DOCK3: variants seen among roughly 807,000 people sequenced by gnomAD.
DOCK3 encodes dedicator of cytokinesis protein 3.
Under a neutral mutation model 265.6 loss-of-function variants are expected in DOCK3, and 60 were observed. The observed-to-expected ratio is 0.23, with a 90% CI of 0.18 to 0.28. DOCK3 has a LOEUF of 0.28. DOCK3 is among the 10% of genes least tolerant of loss of function. The probability of loss-of-function intolerance (pLI) is 1.00; values close to 1 mark genes in which losing one functional copy is unlikely to be tolerated. For synonymous variants in DOCK3, 881 were observed against 938.0 expected (o/e 0.94, Z 1.11); for missense variants, 1,981 against 2,594.3 (o/e 0.76, Z 5.14).
chr3:51,116,056 A>G (rs974964962), intron 9 of DOCK3, among the ~76,000 whole-genome samples: 6 of 152,142 alleles, frequency 3.9e-5, no homozygotes, highest in African/African-American at 2.4e-5. Flanking sequence ...ACCTTGTAGT[A>G]TAGTTTAAAG....
chr3:50,847,610 G>A (rs2046144107), intron 3 of DOCK3, among the ~76,000 whole-genome samples: 1 of 152,082 alleles, frequency 6.6e-6, no homozygotes, highest in Non-Finnish European at 1.5e-5. Flanking sequence ...ATGGCCAAGT[G>A]CAGTGGCTTA....
At chr3:51,187,432 G>T (rs2087673789) in intron 12 of DOCK3, among the ~76,000 whole-genome samples, 1 of 152,152 alleles carries the variant, frequency 6.6e-6, no homozygotes, top group Non-Finnish European at 1.5e-5. Context: ...GACTTGCTTT[G>T]GCAGAGATGA....
intron 1 of DOCK3, among the ~76,000 whole-genome samples, chr3:50,700,517 G>A (rs911795369): frequency 6.6e-6 from 1 of 151,982 alleles, no homozygotes; most frequent in Non-Finnish European, 1.5e-5. Flanking sequence ...CCCACATATG[G>A]GTGAGAACAT....
chr3:51,081,788 C>G (rs959784770), intron 7 of DOCK3, among the ~76,000 whole-genome samples: 2 of 150,080 alleles, frequency 1.3e-5, no homozygotes, highest in African/African-American at 4.9e-5. Flanking sequence ...CCCAGCTACT[C>G]GGGAGGCTGA....
At chr3:50,684,328 G>T (rs1256452762) in intron 1 of DOCK3, among the ~76,000 whole-genome samples, 2 of 152,204 alleles carry the variant, frequency 1.3e-5, no homozygotes, top group Admixed American at 1.3e-4. Flanking sequence ...AGTTCATGGT[G>T]AGTGACTGGT....
chr3:50,875,657 G>GA (rs989650616), intron 3 of DOCK3, among the ~76,000 whole-genome samples: 7 of 152,094 alleles, frequency 4.6e-5, no homozygotes, highest in African/African-American at 1.7e-4. Context: ...AATCCCACTT[G>GA]ATCACGATGA....
intron 1 of DOCK3, among the ~76,000 whole-genome samples, chr3:50,757,163 CTTTTTTTT>C (rs34435343): frequency 3.7e-5 from 3 of 81,628 alleles, no homozygotes; most frequent in East Asian, 4.4e-4. Context: ...AGATTGTCGT[CTTTTTTTT>C]TTTTTTTTTT....
At chr3:50,731,983 AT>A (rs1359766973) in intron 1 of DOCK3, among the ~76,000 whole-genome samples, 1 of 152,126 alleles carries the variant, frequency 6.6e-6, no homozygotes, top group Non-Finnish European at 1.5e-5. Context: ...CCATAATGAA[AT>A]GCCTAATATT....
intron 5 of DOCK3, among the ~76,000 whole-genome samples, chr3:50,962,192 C>A (rs566674112): frequency 2.0e-5 from 3 of 152,192 alleles, no homozygotes; most frequent in African/African-American, 7.2e-5. Flanking sequence ...GTGATGTACC[C>A]CTCCCTGTGT....
At chr3:50,935,481 G>T (rs1389360180) in intron 5 of DOCK3, among the ~76,000 whole-genome samples, 1 of 152,146 alleles carries the variant, frequency 6.6e-6, no homozygotes, top group Non-Finnish European at 1.5e-5. Flanking sequence ...CACCTCAGTG[G>T]AATATGAAGT....
chr3:51,027,306 A>G (rs1425443609), intron 5 of DOCK3, among the ~76,000 whole-genome samples: 3 of 152,228 alleles, frequency 2.0e-5, no homozygotes, highest in African/African-American at 7.2e-5. Flanking sequence ...ACTGTGGTCC[A>G]AGAAGATGCT....
intron 2 of DOCK3, among the ~76,000 whole-genome samples, chr3:50,800,616 AAAC>A (rs2043023279): frequency 6.6e-6 from 1 of 152,076 alleles, no homozygotes; most frequent in Non-Finnish European, 1.5e-5. Flanking sequence ...TTTTCAAAAA[AAAC>A]AACTTTTAGT....
intron 25 of DOCK3, chr3:51,276,345 A>G (rs2080817838): frequency 2.0e-6 from 2 of 985,218 alleles, no homozygotes; most frequent in African/African-American, 1.7e-5. Flanking sequence ...AGATCTACTC[A>G]TAGCCCAAGG....
chr3:50,737,390 A>G (rs185143883), intron 1 of DOCK3, among the ~76,000 whole-genome samples: 4 of 152,300 alleles, frequency 2.6e-5, no homozygotes, highest in Non-Finnish European at 2.9e-5. Flanking sequence ...GAACTCTGTC[A>G]TGACAACAGC....
chr3:51,101,137 G>T (rs1239819937), intron 9 of DOCK3, among the ~76,000 whole-genome samples: 1 of 117,822 alleles, frequency 8.5e-6, no homozygotes. Context: ...TTTTTGAGAC[G>T]GAGTCTCACT....
intron 5 of DOCK3, among the ~76,000 whole-genome samples, chr3:50,937,042 C>T (rs1032146882): frequency 2.2e-4 from 33 of 151,798 alleles, no homozygotes; most frequent in African/African-American, 5.3e-4. Context: ...TTTGGGAGGC[C>T]GAGGTGGGTA....
intron 5 of DOCK3, among the ~76,000 whole-genome samples, chr3:50,982,901 A>C (rs2077746354): frequency 6.6e-6 from 1 of 152,014 alleles, no homozygotes. Flanking sequence ...TGGGAGCCCC[A>C]CTTTCCCAGG....
chr3:50,736,641 C>A (rs1301915529), intron 1 of DOCK3, among the ~76,000 whole-genome samples: 1 of 150,748 alleles, frequency 6.6e-6, no homozygotes, highest in Non-Finnish European at 1.5e-5. Context: ...TTGCATTTCT[C>A]TGATAGCCAC....
chr3:51,268,280 A>G (rs1477909309), intron 23 of DOCK3, among the ~76,000 whole-genome samples: 1 of 152,182 alleles, frequency 6.6e-6, no homozygotes, highest in East Asian at 1.9e-4. Context: ...GTGAGCTGTG[A>G]TTGCACCACT....
Sources: gnomAD v4.1 joint callset for allele counts (sites outside exome capture counted in the v4.1 genomes callset) on GRCh38, gnomAD v4.1.1 for gene constraint, MANE v1.5 for transcripts, NCBI Gene and HGNC (gene_info 2026-07-23, HGNC 2026-07-21) for gene names.